Variants in MCC observed in about 807,000 individuals in gnomAD.
The protein encoded by MCC is colorectal mutant cancer protein.
In MCC, 90 loss-of-function variants were observed where a neutral mutation model predicts 116.2. The ratio of observed to expected loss-of-function variants is 0.77; its 90% CI spans 0.65 to 0.92. The LOEUF (loss-of-function observed/expected upper bound fraction) is 0.92, where lower values mean the gene tolerates loss of function less well. Among genes scored for constraint, MCC ranks in the 40% least tolerant of loss-of-function variants. The pLI is 0.00. For missense variants in MCC, 1,516 were observed against 1,312.2 expected, an observed-to-expected ratio of 1.16 and a Z score of -2.40; for synonymous variants, 578 against 510.5, an observed-to-expected ratio of 1.13 and a Z score of -1.78.
At chr5:113,481,396 A>C (rs171180) in intron 1 of MCC, among the ~76,000 whole-genome samples, 104,661 of 151,978 alleles carry the variant, frequency 0.69, 36,462 homozygotes, top group East Asian at 0.88. Flanking sequence ...ATAGTCAACA[A>C]CAGAACAATA....
chr5:113,270,235 T>C (rs966749283), intron 3 of MCC, among the ~76,000 whole-genome samples: 2 of 152,150 alleles, frequency 1.3e-5, no homozygotes, highest in African/African-American at 4.8e-5. Context: ...GTTAGGAATG[T>C]AATAGTTCTA....
At chr5:113,302,175 A>C (rs946873032) in intron 3 of MCC, among the ~76,000 whole-genome samples, 1 of 152,232 alleles carries the variant, frequency 6.6e-6, no homozygotes, top group Non-Finnish European at 1.5e-5. Context: ...AGCCAGACAC[A>C]TGATTTCTGA....
At chr5:113,037,900 G>A (rs567640297) in intron 17 of MCC, among the ~76,000 whole-genome samples, 1 of 152,322 alleles carries the variant, frequency 6.6e-6, no homozygotes, top group African/African-American at 2.4e-5. Flanking sequence ...TATGGGCTAG[G>A]AAGTTAAGTT....
intron 1 of MCC, among the ~76,000 whole-genome samples, chr5:113,484,111 T>C (rs575137869): frequency 6.6e-6 from 1 of 151,894 alleles, no homozygotes; most frequent in African/African-American, 2.4e-5. Flanking sequence ...TTAGCACCCA[T>C]AACTAGTCGG....
At chr5:113,198,431 A>C (rs924073840) in intron 3 of MCC, among the ~76,000 whole-genome samples, 5 of 151,680 alleles carry the variant, frequency 3.3e-5, no homozygotes, top group Non-Finnish European at 5.9e-5. Flanking sequence ...ATGGTGGCAC[A>C]CACCTGTAAT....
chr5:113,284,288 T>C (rs1323586821), intron 3 of MCC, among the ~76,000 whole-genome samples: 1 of 152,228 alleles, frequency 6.6e-6, no homozygotes, highest in African/African-American at 2.4e-5. Context: ...GGGTAGAGGC[T>C]GCAGACTGCA....
At position 113,340,607 on chromosome 5, in the gene MCC, T is replaced by C. The variant is rs750094809; in HGVS notation, c.539A>G (p.His180Arg). 6.2e-6 allele frequency: 10 copies of C among 1,614,172 alleles called. No homozygotes were observed. The highest frequency in any genetic ancestry group is 8.5e-6 in the Non-Finnish European group (10 of 1,180,012). The change falls in exon 3 of 19, where the codon CAT (histidine) becomes CGT (arginine). Residue 180 changes from histidine to arginine, a missense_variant. By Grantham distance (29) the His-to-Arg change is conservative. Coordinates refer to ENST00000408903, the MANE Select transcript of MCC (RefSeq NM_001085377.2). ...KLLEYGGSSL[H>R]QQAALHKLLT... ...CAGTTTGTGGAGAGCAGCCTGCTGA[T>C]GCAAAGAGCTTCCGCCATACTCGAG...
At chr5:113,337,719 A>G (rs1767902316) in intron 3 of MCC, among the ~76,000 whole-genome samples, 1 of 152,206 alleles carries the variant, frequency 6.6e-6, no homozygotes, top group Admixed American at 6.5e-5. Flanking sequence ...CTTAGTAGCT[A>G]TTTAAAAGAA....
chr5:113,029,123 G>C (rs2150206096), intron 17 of MCC, 67 bp from the exon 18 acceptor site: 2 of 1,489,412 alleles, frequency 1.3e-6, no homozygotes, highest in East Asian at 4.7e-5. Context: ...CCACTCCCTG[G>C]GAAGTGGTGA....
At chr5:113,440,573 A>G (rs1481358509) in intron 1 of MCC, among the ~76,000 whole-genome samples, 1 of 150,230 alleles carries the variant, frequency 6.7e-6, no homozygotes, top group Non-Finnish European at 1.5e-5. Context: ...AAAAATAAGA[A>G]AGTAAAGAAG....
intron 1 of MCC, among the ~76,000 whole-genome samples, chr5:113,409,904 A>G (rs1769933032): frequency 6.6e-6 from 1 of 151,446 alleles, no homozygotes; most frequent in Admixed American, 6.6e-5. Flanking sequence ...TTAATAAGGA[A>G]AATAGGAAAA....
chr5:113,420,867 T>C (rs926033524), intron 1 of MCC, among the ~76,000 whole-genome samples: 1 of 152,178 alleles, frequency 6.6e-6, no homozygotes, highest in Non-Finnish European at 1.5e-5. Flanking sequence ...ATCAGGCAGT[T>C]AGCTCTTTTT....
rs1330526105 is a variant in MCC, at chr5:113,205,689, A to C, written c.628-54267T>G. ...AGAAAGTCTTAAAGAGTATTTTTAT[A>C]TTACACTATAGAAAAATATCTTATT... is the stretch of plus-strand genomic sequence containing the variant. On this transcript the variant is annotated intron_variant, in intron 3 of 18. Coordinates refer to ENST00000408903, the MANE Select transcript of MCC (RefSeq NM_001085377.2). 2.0e-5 allele frequency among the ~76,000 whole-genome samples: 3 copies of C among 152,238 alleles called. No individual in the cohort carries two copies. In the South Asian group the frequency reaches 6.2e-4, roughly 32 times the overall value.
At chr5:113,308,380 T>A (rs1767046156) in intron 3 of MCC, among the ~76,000 whole-genome samples, 1 of 152,194 alleles carries the variant, frequency 6.6e-6, no homozygotes, top group Non-Finnish European at 1.5e-5. Context: ...GGTATGACTG[T>A]ATCAGTATTA....
intron 6 of MCC, among the ~76,000 whole-genome samples, chr5:113,122,122 T>G (rs1324280911): frequency 6.6e-6 from 1 of 152,248 alleles, no homozygotes; most frequent in Non-Finnish European, 1.5e-5. Flanking sequence ...GGTCACACCC[T>G]GCAGTTTAAA....
chr5:113,247,523 A>G (rs1026443446), intron 3 of MCC, among the ~76,000 whole-genome samples: 1 of 152,218 alleles, frequency 6.6e-6, no homozygotes, highest in African/African-American at 2.4e-5. Context: ...AAATTTCTTC[A>G]CATGGAAGTT....
chr5:113,460,501 C>A (rs1394920861), intron 1 of MCC, among the ~76,000 whole-genome samples: 1 of 152,194 alleles, frequency 6.6e-6, no homozygotes, highest in Non-Finnish European at 1.5e-5. Flanking sequence ...TAGCTCACCC[C>A]CAGTGGGTCA....
chr5:113,280,729 CAAG>C (rs1198413175), intron 3 of MCC, among the ~76,000 whole-genome samples: 4 of 152,168 alleles, frequency 2.6e-5, no homozygotes, highest in African/African-American at 9.7e-5. Flanking sequence ...ATACTGACTA[CAAG>C]AAGATTTTGT....
intron 5 of MCC, among the ~76,000 whole-genome samples, chr5:113,135,218 G>A (rs1004084528): frequency 6.7e-6 from 1 of 150,072 alleles, no homozygotes; most frequent in Non-Finnish European, 1.5e-5. Context: ...GATTACAGGC[G>A]TGAGCCACTG....
Sources: gnomAD v4.1 joint callset for allele counts (sites outside exome capture counted in the v4.1 genomes callset) on GRCh38, gnomAD v4.1.1 for gene constraint, MANE v1.5 for transcripts, NCBI Gene and HGNC (gene_info 2026-07-23, HGNC 2026-07-21) for gene names.